Variants in BNC2 observed in about 807,000 individuals in gnomAD.
The protein encoded by BNC2 is zinc finger protein basonuclin-2.
In BNC2, 20 loss-of-function variants were observed where a neutral mutation model predicts 76.3. That is an observed-to-expected ratio of 0.26 (90% CI 0.18 to 0.38). BNC2 has a LOEUF of 0.38. Ranked by LOEUF, BNC2 falls within the 10% of genes least tolerant of loss-of-function variation. The pLI, the probability that BNC2 is intolerant of heterozygous loss-of-function variation, is 1.00. For synonymous variants in BNC2, 582 were observed against 514.8 expected (o/e 1.13, Z -1.77); for missense variants, 1,382 against 1,399.8 (o/e 0.99, Z 0.20).
chr9:16,511,915 A>T (rs1822766418), intron 5 of BNC2, among the ~76,000 whole-genome samples: 1 of 152,218 alleles, frequency 6.6e-6, no homozygotes, highest in African/African-American at 2.4e-5. Flanking sequence ...ACATTAAAAC[A>T]TTCATTTAAA....
chr9:16,431,802 G>C (rs1465439749), intron 6 of BNC2, among the ~76,000 whole-genome samples: 1 of 152,134 alleles, frequency 6.6e-6, no homozygotes, highest in Non-Finnish European at 1.5e-5. Context: ...TTTATCATTA[G>C]ATTCTCATAA....
intron 5 of BNC2, among the ~76,000 whole-genome samples, chr9:16,468,400 A>AT (rs567238438): frequency 2.2e-3 from 319 of 148,206 alleles, no homozygotes; most frequent in Non-Finnish European, 3.6e-3. Flanking sequence ...ATTTTTTTTT[A>AT]TTTTTTATTT....
intron 1 of BNC2, among the ~76,000 whole-genome samples, chr9:16,832,590 G>A (rs770454860): frequency 2.0e-5 from 3 of 152,196 alleles, no homozygotes; most frequent in Non-Finnish European, 2.9e-5. Context: ...TCAAGGGTCT[G>A]TGAAATCCTC....
intron 5 of BNC2, among the ~76,000 whole-genome samples, chr9:16,519,721 T>G (rs772699619): frequency 6.6e-6 from 1 of 152,220 alleles, no homozygotes; most frequent in Non-Finnish European, 1.5e-5. Context: ...TCTACAACCC[T>G]GTAAGGTAGA....
At chr9:16,463,303 T>G (rs1321525445) in intron 5 of BNC2, among the ~76,000 whole-genome samples, 1 of 139,930 alleles carries the variant, frequency 7.1e-6, no homozygotes, top group Non-Finnish European at 1.5e-5. Context: ...TCTTTTTTTT[T>G]TTTTTTTTTT....
chr9:16,537,463 T>C (rs1357175703), intron 5 of BNC2, among the ~76,000 whole-genome samples: 3 of 152,172 alleles, frequency 2.0e-5, no homozygotes, highest in East Asian at 1.9e-4. Context: ...TCAATAGTTA[T>C]GTAATATTTA....
chr9:16,661,429 C>T (rs1822107613), intron 3 of BNC2, among the ~76,000 whole-genome samples: 1 of 152,058 alleles, frequency 6.6e-6, no homozygotes, highest in African/African-American at 2.4e-5. Flanking sequence ...GGGAAGTGAT[C>T]AGTATACTAT....
intron 3 of BNC2, among the ~76,000 whole-genome samples, chr9:16,646,097 G>A (rs777150381): frequency 6.6e-6 from 1 of 152,178 alleles, no homozygotes. Flanking sequence ...GTTTCACAAC[G>A]TAAGTGAGGA....
intron 3 of BNC2, among the ~76,000 whole-genome samples, chr9:16,668,556 A>C (rs1285977943): frequency 5.3e-5 from 8 of 152,250 alleles, no homozygotes; most frequent in Non-Finnish European, 1.0e-4. Flanking sequence ...CTAAGCTATG[A>C]TTAGTTCAAT....
chr9:16,599,379 G>A (rs1038175622), intron 3 of BNC2, among the ~76,000 whole-genome samples: 1 of 152,172 alleles, frequency 6.6e-6, no homozygotes, highest in African/African-American at 2.4e-5. Flanking sequence ...AGGCAGAGAT[G>A]GCTGTGAACG....
chr9:16,641,501 C>G (rs1371300548), intron 3 of BNC2, among the ~76,000 whole-genome samples: 1 of 152,118 alleles, frequency 6.6e-6, no homozygotes. Context: ...AATCTGTTGC[C>G]TCTATTTAAT....
chr9:16,595,878 A>T (rs975446863), intron 3 of BNC2, among the ~76,000 whole-genome samples: 3 of 152,122 alleles, frequency 2.0e-5, no homozygotes, highest in African/African-American at 7.2e-5. Context: ...TAAGAAATAA[A>T]TACAAAGCCT....
intron 5 of BNC2, among the ~76,000 whole-genome samples, chr9:16,483,836 C>T (rs1822108371): frequency 6.6e-6 from 1 of 152,180 alleles, no homozygotes; most frequent in Non-Finnish European, 1.5e-5. Context: ...GAAGATGTCA[C>T]GGACTTTCAG....
chr9:16,832,562 T>C (rs535278311), intron 1 of BNC2, among the ~76,000 whole-genome samples: 9 of 152,262 alleles, frequency 5.9e-5, no homozygotes, highest in African/African-American at 2.2e-4. Context: ...AGTTCTATAA[T>C]AAACACAGAA....
intron 3 of BNC2, among the ~76,000 whole-genome samples, chr9:16,607,237 C>T (rs1439991703): frequency 1.3e-5 from 2 of 152,150 alleles, no homozygotes; most frequent in Non-Finnish European, 2.9e-5. Flanking sequence ...CCACAGTGCG[C>T]TGTGGTATCC....
At chr9:16,512,370 C>G (rs1272790173) in intron 5 of BNC2, among the ~76,000 whole-genome samples, 1 of 152,106 alleles carries the variant, frequency 6.6e-6, no homozygotes, top group Admixed American at 6.5e-5. Flanking sequence ...ATCCTCAAGC[C>G]AATAACTCAC....
intron 5 of BNC2, among the ~76,000 whole-genome samples, chr9:16,497,255 T>C (rs1034436210): frequency 4.6e-5 from 7 of 152,234 alleles, no homozygotes; most frequent in African/African-American, 1.7e-4. Flanking sequence ...TTTCTAGATA[T>C]TGCAGAAAAC....
At chr9:16,447,762 T>C (rs949120590) in intron 5 of BNC2, among the ~76,000 whole-genome samples, 7 of 152,116 alleles carry the variant, frequency 4.6e-5, no homozygotes, top group Admixed American at 2.0e-4. Flanking sequence ...CCAGTAGGGT[T>C]TGTGAACATT....
At chr9:16,457,370 C>T (rs936593822) in intron 5 of BNC2, among the ~76,000 whole-genome samples, 4 of 152,068 alleles carry the variant, frequency 2.6e-5, no homozygotes, top group Non-Finnish European at 1.5e-5. Flanking sequence ...CCCAGGATTG[C>T]GAGACTCACA....
Sources: allele counts gnomAD v4.1 joint callset (sites outside exome capture counted in the v4.1 genomes callset), GRCh38; gene constraint gnomAD v4.1.1; transcripts MANE v1.5; gene names NCBI Gene and HGNC (gene_info 2026-07-23, HGNC 2026-07-21).